Variants in PTGIS observed in about 807,000 individuals in gnomAD.
The protein encoded by PTGIS is prostacyclin synthase.
In PTGIS, 45 loss-of-function variants were observed where a neutral mutation model predicts 50.3. The ratio of observed to expected loss-of-function variants is 0.90; its 90% CI spans 0.70 to 1.15. The LOEUF is 1.15. Ranked by LOEUF, PTGIS falls within the 50% of genes most tolerant of loss-of-function variation. The probability of loss-of-function intolerance (pLI) is 0.00; values close to 1 mark genes in which losing one functional copy is unlikely to be tolerated. For synonymous variants in PTGIS, 260 were observed against 267.7 expected, an observed-to-expected ratio of 0.97 and a Z score of 0.28; for missense variants, 668 against 661.3, an observed-to-expected ratio of 1.01 and a Z score of -0.11.
chr20:49,538,925 G>A lies in PTGIS; in HGVS notation c.673+645C>T, dbSNP rs536969514. Among the ~76,000 whole-genome samples, 133 of 152,036 alleles carry A rather than the reference G, an allele frequency of 8.7e-4. 1 individual carries two copies. Among genetic ancestry groups the A allele is most frequent in the Admixed American group, 2.6e-3 (39 of 15,260 alleles). Reference sequence around the variant, plus strand: ...TCAAACGCCTGACTTCAAGTGATCCGCCCACCTCAGCCTCCCAAAGTGCTG... The same window carrying A: ...TCAAACGCCTGACTTCAAGTGATCCACCCACCTCAGCCTCCCAAAGTGCTG... On this transcript the variant is annotated intron_variant, in intron 5 of 9. Coordinates refer to ENST00000244043, the MANE Select transcript of PTGIS (RefSeq NM_000961.4).
chr20:49,550,333 T>C, intron 1 of PTGIS, 144 bp from the exon 2 acceptor site: 2 of 1,089,404 alleles, frequency 1.8e-6, no homozygotes, highest in Non-Finnish European at 1.4e-6. Context: ...ACCTGCTCCT[T>C]TTCTCTTGTA....
intron 5 of PTGIS, among the ~76,000 whole-genome samples, chr20:49,524,502 C>T (rs1981743585): frequency 6.6e-6 from 1 of 152,204 alleles, no homozygotes. Context: ...CTATTTCAAT[C>T]ACCTCTATGT....
At chr20:49,511,330 A>T in intron 8 of PTGIS, 151 bp from the exon 9 acceptor site, 2 of 907,990 alleles carry the variant, frequency 2.2e-6, no homozygotes, top group South Asian at 1.5e-5. Context: ...TGGTTAAAAA[A>T]TTATGGCAAA....
intron 5 of PTGIS, among the ~76,000 whole-genome samples, 157 bp downstream of exon 5, chr20:49,539,413 C>T (rs143601779): frequency 1.4e-3 from 209 of 152,344 alleles, no homozygotes; most frequent in African/African-American, 3.5e-3. Flanking sequence ...CCCACCATTG[C>T]GCTCTTGCAT....
At chr20:49,539,147 T>C (rs1211562241) in intron 5 of PTGIS, among the ~76,000 whole-genome samples, 1 of 152,192 alleles carries the variant, frequency 6.6e-6, no homozygotes, top group Non-Finnish European at 1.5e-5. Flanking sequence ...GTGATGGTGG[T>C]TGCCTCTGTA....
rs140431955 is a variant in PTGIS, at chr20:49,527,775, A to T, written c.674-3536T>A. On this transcript the variant is annotated intron_variant, in intron 5 of 9. Transcript: ENST00000244043. ...TTATGTTATTTATTATTTTACCACAATTTTTTTAAAAGGCATATGAAGGTC... is the reference window on the plus strand; with the variant it reads ...TTATGTTATTTATTATTTTACCACATTTTTTTTAAAAGGCATATGAAGGTC... Among the ~76,000 whole-genome samples the T allele has an allele frequency of 9.4e-4, 143 of 152,268 alleles. 2 individuals carry two copies. The South Asian group carries it at 0.028, about 30-fold the overall frequency.
chr20:49,554,216 A>G (rs1466570966), intron 1 of PTGIS, among the ~76,000 whole-genome samples: 1 of 152,184 alleles, frequency 6.6e-6, no homozygotes, highest in Non-Finnish European at 1.5e-5. Flanking sequence ...GTCAGCTCAT[A>G]TAAATTTTTT....
In PTGIS at chr20:49,540,109, C is replaced by G. The variant is rs1982187208; in HGVS notation, c.522-388G>C. On this transcript the variant is annotated intron_variant, in intron 4 of 9. Coordinates refer to ENST00000244043, the MANE Select transcript of PTGIS (RefSeq NM_000961.4). This position sits in a 1 kb window ranked among gnomAD's most constrained non-coding sequence, Gnocchi z 4.8. ...GAGAAGGAGTCAGCCATGGGCAGAG[C>G]AGAGGGAGGGGTAGGAAGCAGAGCA... 6.6e-6 allele frequency among the ~76,000 whole-genome samples: 1 copy of G among 151,838 alleles called. No individual in the cohort carries two copies. Among genetic ancestry groups the G allele is most frequent in the South Asian group, 2.1e-4 (1 of 4,804 alleles).
At position 49,567,007 on chromosome 20, in the gene PTGIS, C is replaced by T. The variant is rs1449977230; in HGVS notation, c.74+1036G>A. ...CTATCTTTGCAACTTTCTGTAAATC[C>T]CAAACTAGTCTCAAATAAAAAGTAT... On this transcript the variant is annotated intron_variant, in intron 1 of 9. Coordinates refer to ENST00000244043, the MANE Select transcript of PTGIS (RefSeq NM_000961.4). Among the ~76,000 whole-genome samples, 3 of 152,194 alleles carry T rather than the reference C, an allele frequency of 2.0e-5. No homozygotes were observed. In the Middle Eastern group the frequency reaches 0.01, roughly 518 times the overall value.
intron 6 of PTGIS, among the ~76,000 whole-genome samples, chr20:49,515,027 A>G (rs1321624810): frequency 6.6e-6 from 1 of 152,090 alleles, no homozygotes; most frequent in African/African-American, 2.4e-5. Context: ...AGACCCACAG[A>G]CCCGTGAGTT....
intron 6 of PTGIS, among the ~76,000 whole-genome samples, chr20:49,514,920 C>T (rs1011519997): frequency 3.9e-5 from 6 of 152,138 alleles, no homozygotes; most frequent in African/African-American, 1.2e-4. Context: ...ACGCCTAAGC[C>T]GCGAGAGACT....
chr20:49,552,894 T>C (rs1982547366), intron 1 of PTGIS, among the ~76,000 whole-genome samples: 1 of 152,072 alleles, frequency 6.6e-6, no homozygotes, highest in African/African-American at 2.4e-5. Context: ...TCAGATCTAC[T>C]GCTGCCTGTC....
intron 8 of PTGIS, among the ~76,000 whole-genome samples, chr20:49,512,189 A>G (rs1981339196): frequency 1.3e-5 from 2 of 151,880 alleles, no homozygotes. Context: ...GGATGGATAG[A>G]TTAATGGATG....
intron 5 of PTGIS, among the ~76,000 whole-genome samples, chr20:49,536,968 C>T (rs1035206930): frequency 1.3e-5 from 2 of 152,172 alleles, no homozygotes; most frequent in African/African-American, 4.8e-5. Flanking sequence ...CTCCCCTCCA[C>T]GGTCCCTCCA....
intron 3 of PTGIS, among the ~76,000 whole-genome samples, chr20:49,545,913 G>C (rs540749656): frequency 4.8e-4 from 73 of 152,258 alleles, no homozygotes; most frequent in African/African-American, 1.7e-3. Context: ...AGAAGTGCCT[G>C]GGTAATCCAC....
intron 8 of PTGIS, 26 bp from the exon 9 acceptor site, chr20:49,511,205 T>C: frequency 6.2e-7 from 1 of 1,613,438 alleles, no homozygotes; most frequent in African/African-American, 1.3e-5. Flanking sequence ...GGTCCTTTTC[T>C]GACCCCATTC....
At chr20:49,546,334 G>T (rs1982358783) in intron 3 of PTGIS, among the ~76,000 whole-genome samples, 1 of 152,184 alleles carries the variant, frequency 6.6e-6, no homozygotes, top group Non-Finnish European at 1.5e-5. Context: ...GACCCCCAGG[G>T]TCCCCCTGGA....
At chr20:49,523,359 A>G (rs1323982090) in intron 6 of PTGIS, among the ~76,000 whole-genome samples, 2 of 152,186 alleles carry the variant, frequency 1.3e-5, no homozygotes, top group Admixed American at 6.5e-5. Context: ...AGAGAGACAG[A>G]GAGAGAGAAA....
chr20:49,541,316 G>C (rs907102025), intron 4 of PTGIS, among the ~76,000 whole-genome samples: 2 of 152,118 alleles, frequency 1.3e-5, no homozygotes, highest in Non-Finnish European at 2.9e-5. Flanking sequence ...TGGTCTCGGT[G>C]ACACTGCAGT....
Sources: gnomAD v4.1 joint callset for allele counts (sites outside exome capture counted in the v4.1 genomes callset) on GRCh38, gnomAD v4.1.1 for gene constraint, Gnocchi (gnomAD v3.1) non-coding constraint, MANE v1.5 for transcripts, NCBI Gene and HGNC (gene_info 2026-07-23, HGNC 2026-07-21) for gene names.